ZFHX3: variants seen among roughly 807,000 people sequenced by gnomAD.
ZFHX3 encodes the protein zinc finger homeobox protein 3.
ZFHX3 carries 42 observed loss-of-function variants against 279.1 expected under a neutral mutation model. The ratio of observed to expected loss-of-function variants is 0.15; its 90% CI spans 0.12 to 0.19. The LOEUF (loss-of-function observed/expected upper bound fraction) is 0.19. Ranked by LOEUF, ZFHX3 falls within the 10% of genes least tolerant of loss-of-function variation. ZFHX3 has a pLI of 1.00. For missense variants in ZFHX3, 4,981 were observed against 4,754.0 expected, an observed-to-expected ratio of 1.05 and a Z score of -1.40; for synonymous variants, 2,293 against 1,957.8, an observed-to-expected ratio of 1.17 and a Z score of -4.52.
chr16:73,363,882 T>A (rs368366046), intron 3 of ZFHX3, among the ~76,000 whole-genome samples: 8 of 152,212 alleles, frequency 5.3e-5, no homozygotes, highest in East Asian at 1.9e-4. Flanking sequence ...GAACTGTAGG[T>A]AGCTACAGTT....
At chr16:73,102,196 G>A (rs1219010748) in intron 7 of ZFHX3, among the ~76,000 whole-genome samples, 1 of 152,116 alleles carries the variant, frequency 6.6e-6, no homozygotes, top group African/African-American at 2.4e-5. Flanking sequence ...TTACAGGAGT[G>A]AGCCACTGTG....
intron 1 of ZFHX3, among the ~76,000 whole-genome samples, chr16:72,999,334 T>C (rs1309578966): frequency 6.6e-6 from 1 of 152,174 alleles, no homozygotes; most frequent in Non-Finnish European, 1.5e-5. Flanking sequence ...ATTTTTGTAT[T>C]TTTAGTAGAT....
chr16:73,487,045 T>C, intron 2 of ZFHX3: 1 of 335,510 alleles, frequency 3.0e-6, no homozygotes, highest in South Asian at 2.4e-5. Context: ...ACTAAAACGA[T>C]GGAAAATGGT....
chr16:72,887,221 A>T (rs1469606086), intron 4 of ZFHX3, among the ~76,000 whole-genome samples: 2 of 152,156 alleles, frequency 1.3e-5, no homozygotes, highest in Non-Finnish European at 2.9e-5. Context: ...GGGGCTTAGG[A>T]GGGACGCCTC....
intron 5 of ZFHX3, among the ~76,000 whole-genome samples, chr16:73,169,814 A>G (rs1481225815): frequency 3.3e-5 from 5 of 152,160 alleles, no homozygotes; most frequent in African/African-American, 1.2e-4. Context: ...GCCTACCTCT[A>G]GTAATCCTTC....
At chr16:73,058,806 C>T (rs1965631782) in exon 1 of ZFHX3, 1 of 159,070 alleles carries the variant, frequency 6.3e-6, no homozygotes, top group African/African-American at 2.5e-5. Context: ...GCCGCTGCCG[C>T]CGAGCAGCAT....
At chr16:73,712,593 G>C (rs1349875559) in intron 1 of ZFHX3, among the ~76,000 whole-genome samples, 3 of 152,166 alleles carry the variant, frequency 2.0e-5, no homozygotes, top group African/African-American at 7.2e-5. Flanking sequence ...TGGGAATCTG[G>C]TGGCCAGAGC....
At chr16:73,238,865 T>C (rs1387100113) in intron 5 of ZFHX3, among the ~76,000 whole-genome samples, 1 of 152,148 alleles carries the variant, frequency 6.6e-6, no homozygotes. Flanking sequence ...TCGGCTTCCT[T>C]CATTTGACCA....
At chr16:73,569,641 C>G (rs1044350101) in intron 2 of ZFHX3, among the ~76,000 whole-genome samples, 2 of 152,214 alleles carry the variant, frequency 1.3e-5, no homozygotes, top group Non-Finnish European at 2.9e-5. Flanking sequence ...ACAGTCTCCT[C>G]TTGAGTACTT....
chr16:73,034,563 CA>C (rs201959439), intron 1 of ZFHX3, among the ~76,000 whole-genome samples: 1,954 of 152,296 alleles, frequency 0.013, 43 homozygotes, highest in African/African-American at 0.045. Context: ...CCTCCTGCCC[CA>C]AACTAGCAAC....
Position 73,165,227 on chromosome 16 carries a change from A to C in ZFHX3, c.-1103-21396T>G, listed in dbSNP as rs1597196055. 2.0e-5 allele frequency among the ~76,000 whole-genome samples: 3 copies of C among 152,236 alleles called. No homozygotes were observed. In the Middle Eastern group the frequency reaches 0.01, roughly 518 times the overall value. ...CAAGGTCCAAGCTGGAATTACCCCA[A>C]CCCGGATGCAAAACACGCCGGCAGC... On this transcript the variant is annotated intron_variant, in intron 5 of 17. Transcript: ENST00000641206.
chr16:73,030,137 G>T (rs1964643499), intron 1 of ZFHX3, among the ~76,000 whole-genome samples: 1 of 152,178 alleles, frequency 6.6e-6, no homozygotes, highest in South Asian at 2.1e-4. Context: ...AATATGCCAG[G>T]ATAATCCCCA....
intron 1 of ZFHX3, among the ~76,000 whole-genome samples, chr16:73,781,264 G>C (rs1344690680): frequency 2.0e-5 from 3 of 152,140 alleles, no homozygotes; most frequent in Non-Finnish European, 4.4e-5. Flanking sequence ...ACATTCATCA[G>C]AATTTTACCT....
intron 8 of ZFHX3, among the ~76,000 whole-genome samples, chr16:73,086,667 CT>C (rs1966015174): frequency 6.6e-6 from 1 of 152,126 alleles, no homozygotes; most frequent in Non-Finnish European, 1.5e-5. Flanking sequence ...CTTTGGGAAG[CT>C]GAGGCAGGGA....
rs773017323 is a variant in ZFHX3 at position 72,794,307 on chromosome 16, A to G, written c.8375T>C (p.Met2792Thr). ...TAGAAGAGTTCTGGGTGACAATTCC[A>G]TGGTTTTACTCACAGGTGAGAGGGG... ...GVPLSPVSKT[M>T]ELSPRTLLSP... Residue 2792 changes from methionine (M) to threonine (T), a missense_variant, in exon 9 of 10, where the codon ATG becomes ACG. Physicochemically the swap from Met to Thr is moderately conservative, Grantham distance 81. Transcript: ENST00000268489. The surrounding 1 kb of genome is among the most constrained non-coding windows in gnomAD (Gnocchi z 4.2). 17 of 1,610,184 alleles carry G rather than the reference A, an allele frequency of 1.1e-5. No individual in the cohort carries two copies. Among genetic ancestry groups the G allele is most frequent in the South Asian group, 8.8e-5 (8 of 90,414 alleles).
At chr16:73,685,542 G>C (rs1397749486) in intron 1 of ZFHX3, among the ~76,000 whole-genome samples, 2 of 152,192 alleles carry the variant, frequency 1.3e-5, no homozygotes, top group Non-Finnish European at 2.9e-5. Context: ...AGCCCAATGA[G>C]ACCCTTCTCA....
chr16:73,265,033 T>TATATAA (rs766121124), intron 4 of ZFHX3, among the ~76,000 whole-genome samples: 15 of 150,076 alleles, frequency 1.0e-4, no homozygotes, highest in African/African-American at 3.7e-4. Context: ...TATATATATA[T>TATATAA]AACACCTCAG....
intron 1 of ZFHX3, among the ~76,000 whole-genome samples, chr16:73,862,290 T>C (rs543757537): frequency 3.3e-5 from 5 of 152,346 alleles, no homozygotes; most frequent in African/African-American, 1.2e-4. Flanking sequence ...TATCCTTTAA[T>C]AAGTCCCCTT....
intron 1 of ZFHX3, among the ~76,000 whole-genome samples, chr16:73,814,417 G>GA (rs11429692): frequency 0.26 from 39,864 of 152,066 alleles, 6,715 homozygotes; most frequent in African/African-American, 0.46. Flanking sequence ...AAATTTAGAG[G>GA]AAAAAGTAAT....
Sources: allele counts gnomAD v4.1 joint callset (sites outside exome capture counted in the v4.1 genomes callset), GRCh38; gene constraint gnomAD v4.1.1; non-coding constraint Gnocchi (gnomAD v3.1); transcripts MANE v1.5; gene names NCBI Gene and HGNC (gene_info 2026-07-23, HGNC 2026-07-21).